SLC39A9: variants seen among roughly 807,000 people sequenced by gnomAD.
SLC39A9 encodes zinc transporter ZIP9.
In SLC39A9, 14 loss-of-function variants were observed where a neutral mutation model predicts 28.4. The ratio of observed to expected loss-of-function variants is 0.49; its 90% confidence interval spans 0.33 to 0.77. The LOEUF (loss-of-function observed/expected upper bound fraction) is 0.77. SLC39A9 is among the 30% of genes least tolerant of loss of function. SLC39A9 has a pLI of 0.02. For synonymous variants in SLC39A9, 119 were observed against 149.6 expected, an observed-to-expected ratio of 0.80 and a Z score of 1.49; for missense variants, 283 against 381.1, an observed-to-expected ratio of 0.74 and a Z score of 2.14.
chr14:69,440,920 C>A (rs1311779629), intron 2 of SLC39A9, among the ~76,000 whole-genome samples: 4 of 152,158 alleles, frequency 2.6e-5, no homozygotes, highest in African/African-American at 9.7e-5. Context: ...CCCTTGGCCT[C>A]CCAAAGTACT....
chr14:69,452,256 T>C (rs1482235718), intron 3 of SLC39A9, among the ~76,000 whole-genome samples: 1 of 152,234 alleles, frequency 6.6e-6, no homozygotes, highest in Non-Finnish European at 1.5e-5. Context: ...CTATCTAATA[T>C]AGCAGTTTGC....
rs1262487971 is a variant in SLC39A9 at position 69,399,120 on chromosome 14, C to T, written c.-250C>T. 4 of 462,252 alleles carry T rather than the reference C, an allele frequency of 8.7e-6. No homozygotes were observed. Among genetic ancestry groups the T allele is most frequent in the Non-Finnish European group, 1.5e-5 (4 of 263,312 alleles). 28.6% of individuals were successfully genotyped at this position (462,252 alleles called of 1,614,324 possible). A position where few individuals can be genotyped will look rare whatever the true frequency, so the allele number is the denominator to read the frequency against. On this transcript the variant is annotated 5_prime_UTR_variant, in exon 1 of 7. Coordinates refer to ENST00000336643, the MANE Select transcript of SLC39A9 (RefSeq NM_018375.5). ...CCCACGAGAATCTAATGACTGGCATCTGAGAACCCAGAGCCTGGGACCTTA... is the reference window on the plus strand; with the variant it reads ...CCCACGAGAATCTAATGACTGGCATTTGAGAACCCAGAGCCTGGGACCTTA...
In SLC39A9 at chr14:69,436,166, C is replaced by G. The variant is rs541866277; in HGVS notation, c.206-5903C>G. Among the ~76,000 whole-genome samples, 360 of 152,130 alleles carry G rather than the reference C, an allele frequency of 2.4e-3. 1 individual carries two copies. The highest frequency in any genetic ancestry group is 3.5e-3 in the Non-Finnish European group (236 of 68,000). On this transcript the variant is annotated intron_variant, in intron 2 of 6. Coordinates refer to ENST00000336643, the MANE Select transcript of SLC39A9 (RefSeq NM_018375.5). ...CCTGTAATCCCAGCACTTTGGGAAG[C>G]TCAGGTGGGGGAGGATCACTTGAGT...
At chr14:69,438,024 C>CTTT (rs374673006) in intron 2 of SLC39A9, among the ~76,000 whole-genome samples, 3 of 140,362 alleles carry the variant, frequency 2.1e-5, no homozygotes, top group Non-Finnish European at 3.1e-5. Flanking sequence ...TTCCCTTACC[C>CTTT]TTTTTTTTTT....
chr14:69,401,113 C>G (rs1044104399), intron 1 of SLC39A9, among the ~76,000 whole-genome samples: 1 of 152,066 alleles, frequency 6.6e-6, no homozygotes, highest in East Asian at 1.9e-4. Flanking sequence ...CAGACTAGTT[C>G]GTAGCCACTA....
At chr14:69,403,460 C>G (rs1408373370) in intron 1 of SLC39A9, among the ~76,000 whole-genome samples, 5 of 152,090 alleles carry the variant, frequency 3.3e-5, no homozygotes, top group African/African-American at 1.2e-4. Flanking sequence ...GCTCAGAGCT[C>G]TACAGCAATA....
chr14:69,453,422 A>G, intron 4 of SLC39A9, 113 bp downstream of exon 4: 1 of 956,500 alleles, frequency 1.0e-6, no homozygotes, highest in Non-Finnish European at 1.6e-6. Context: ...CCTTTGAGGA[A>G]AAGGTTTCTT....
At chr14:69,437,528 G>C (rs1392644897) in intron 2 of SLC39A9, among the ~76,000 whole-genome samples, 1 of 151,990 alleles carries the variant, frequency 6.6e-6, no homozygotes, top group Non-Finnish European at 1.5e-5. Context: ...GCCAGCATCA[G>C]ATGTCTCCAA....
chr14:69,439,732 A>G (rs1210188620), intron 2 of SLC39A9, among the ~76,000 whole-genome samples: 1 of 152,178 alleles, frequency 6.6e-6, no homozygotes, highest in Non-Finnish European at 1.5e-5. Context: ...TTCTCCCTCT[A>G]TAATTTAACA....
intron 1 of SLC39A9, among the ~76,000 whole-genome samples, chr14:69,415,089 T>A (rs113394950): frequency 4.2e-3 from 645 of 152,378 alleles, no homozygotes; most frequent in Middle Eastern, 6.8e-3. Flanking sequence ...AGATTGTGGC[T>A]ATTCTTGATG....
intron 1 of SLC39A9, among the ~76,000 whole-genome samples, chr14:69,403,727 A>G (rs1882761373): frequency 6.6e-6 from 1 of 152,204 alleles, no homozygotes; most frequent in Admixed American, 6.5e-5. Context: ...TTGAGTTATA[A>G]TGCCACATTT....
At chr14:69,410,438 T>C (rs188936089) in intron 1 of SLC39A9, among the ~76,000 whole-genome samples, 1 of 152,284 alleles carries the variant, frequency 6.6e-6, no homozygotes, top group Admixed American at 6.5e-5. Context: ...TATATCCTGC[T>C]CCTACACAAT....
At chr14:69,433,432 G>A (rs560167858) in intron 2 of SLC39A9, among the ~76,000 whole-genome samples, 2 of 152,170 alleles carry the variant, frequency 1.3e-5, no homozygotes, top group Non-Finnish European at 2.9e-5. Context: ...GTTTTATCAG[G>A]GTAATGCTGG....
intron 2 of SLC39A9, among the ~76,000 whole-genome samples, chr14:69,433,623 T>C (rs1038554282): frequency 1.3e-5 from 2 of 152,244 alleles, no homozygotes; most frequent in South Asian, 2.1e-4. Context: ...TAGATAGATA[T>C]AGGACTGTTC....
At chr14:69,450,200 AAAAG>A (rs1430882373) in intron 3 of SLC39A9, among the ~76,000 whole-genome samples, 3 of 152,004 alleles carry the variant, frequency 2.0e-5, no homozygotes, top group African/African-American at 7.2e-5. Context: ...AAATAAAAAA[AAAAG>A]GAAGAAAGGA....
chr14:69,458,308 T>A, intron 6 of SLC39A9, 55 bp from the exon 7 acceptor site: 1 of 1,594,040 alleles, frequency 6.3e-7, no homozygotes, highest in Non-Finnish European at 8.5e-7. Context: ...GACTTCTTCC[T>A]GACCCTGAAT....
At chr14:69,440,305 C>T (rs1320574141) in intron 2 of SLC39A9, among the ~76,000 whole-genome samples, 1 of 151,926 alleles carries the variant, frequency 6.6e-6, no homozygotes, top group African/African-American at 2.4e-5. Flanking sequence ...AGAATAGTGT[C>T]AGGCACGGTG....
At chr14:69,404,150 C>T (rs1882790158) in intron 1 of SLC39A9, among the ~76,000 whole-genome samples, 1 of 152,162 alleles carries the variant, frequency 6.6e-6, no homozygotes, top group Non-Finnish European at 1.5e-5. Flanking sequence ...CACTTGAGCC[C>T]AGGAGTTCAG....
At chr14:69,401,358 T>G (rs974266271) in intron 1 of SLC39A9, among the ~76,000 whole-genome samples, 9 of 152,226 alleles carry the variant, frequency 5.9e-5, no homozygotes, top group Non-Finnish European at 1.3e-4. Flanking sequence ...CCTGCTATGT[T>G]TCCTTTGACA....
Sources: gnomAD v4.1 joint callset for allele counts (sites outside exome capture counted in the v4.1 genomes callset) on GRCh38, gnomAD v4.1.1 for gene constraint, MANE v1.5 for transcripts, NCBI Gene and HGNC (gene_info 2026-07-23, HGNC 2026-07-21) for gene names.